Variants in SPAG16 observed in about 807,000 individuals in gnomAD.
The protein encoded by SPAG16 is sperm-associated antigen 16 protein.
SPAG16 carries 86 observed loss-of-function variants against 80.4 expected under a neutral mutation model. That is an observed-to-expected ratio of 1.07 (90% CI 0.90 to 1.28). SPAG16 has a LOEUF of 1.28. SPAG16 is among the 50% of genes most tolerant of loss of function. The pLI is 0.00. For synonymous variants in SPAG16, 294 were observed against 265.9 expected, an observed-to-expected ratio of 1.11 and a Z score of -1.03; for missense variants, 870 against 765.3, an observed-to-expected ratio of 1.14 and a Z score of -1.61.
At chr2:214,246,669 A>G (rs1576587129) in intron 15 of SPAG16, among the ~76,000 whole-genome samples, 1 of 151,932 alleles carries the variant, frequency 6.6e-6, no homozygotes, top group Non-Finnish European at 1.5e-5. Flanking sequence ...CTAATCTCTA[A>G]CTGCAGCCAC....
intron 12 of SPAG16, among the ~76,000 whole-genome samples, chr2:213,946,354 CT>C (rs2079468272): frequency 3.3e-4 from 50 of 152,170 alleles, no homozygotes; most frequent in African/African-American, 9.2e-4. Flanking sequence ...ACCTCGAGAT[CT>C]ACCTGCCTCG....
intron 10 of SPAG16, among the ~76,000 whole-genome samples, chr2:213,759,521 G>A (rs1056645422): frequency 1.3e-4 from 20 of 151,772 alleles, no homozygotes; most frequent in Non-Finnish European, 4.4e-5. Context: ...TGAAGGAGCC[G>A]AGTTTTTATA....
chr2:213,813,169 C>CA (rs2072287953), intron 10 of SPAG16, among the ~76,000 whole-genome samples: 1 of 151,616 alleles, frequency 6.6e-6, no homozygotes, highest in African/African-American at 2.4e-5. Flanking sequence ...ACTGAAGTCA[C>CA]AAAAAAATAG....
intron 10 of SPAG16, among the ~76,000 whole-genome samples, chr2:213,758,884 G>A (rs905234680): frequency 1.1e-4 from 16 of 152,062 alleles, no homozygotes; most frequent in African/African-American, 3.4e-4. Context: ...TTTAAAAGGT[G>A]GAGACAAAGA....
intron 5 of SPAG16, 193 bp downstream of exon 5, chr2:213,317,549 C>G (rs989132619): frequency 1.6e-6 from 2 of 1,253,294 alleles, no homozygotes; most frequent in Admixed American, 7.3e-5. Flanking sequence ...TTATAACTTA[C>G]CAACAAGAAG....
intron 10 of SPAG16, among the ~76,000 whole-genome samples, chr2:213,667,663 A>G (rs1444213618): frequency 6.6e-6 from 1 of 152,188 alleles, no homozygotes; most frequent in Non-Finnish European, 1.5e-5. Flanking sequence ...ATATCATCTG[A>G]TTATAATTAA....
intron 10 of SPAG16, among the ~76,000 whole-genome samples, chr2:213,803,379 A>G (rs1195115139): frequency 6.6e-6 from 1 of 152,120 alleles, no homozygotes; most frequent in African/African-American, 2.4e-5. Context: ...CAAAGATTTG[A>G]TGTTCTTTAT....
chr2:214,014,995 G>T (rs1015439906), intron 13 of SPAG16, among the ~76,000 whole-genome samples: 7 of 152,158 alleles, frequency 4.6e-5, no homozygotes, highest in Non-Finnish European at 1.0e-4. Flanking sequence ...GCTGAGTTGG[G>T]TATGTGAATA....
In SPAG16 at chr2:213,483,954, C is replaced by A. The variant is rs933235115; in HGVS notation, c.943-6009C>A. On this transcript the variant is annotated intron_variant, in intron 9 of 15. Coordinates refer to ENST00000331683, the MANE Select transcript of SPAG16 (RefSeq NM_024532.5). ...CCATTTCCTATGTTTTTAAATCAAG[C>A]AGATCTTTTATCTCTGTTCGTTAGT... Among the ~76,000 whole-genome samples the A allele has an allele frequency of 3.3e-5, 5 of 152,060 alleles. No homozygotes were observed. In the South Asian group the frequency reaches 1.0e-3, roughly 31 times the overall value.
At chr2:213,573,301 A>G (rs889033801) in intron 10 of SPAG16, among the ~76,000 whole-genome samples, 1 of 152,240 alleles carries the variant, frequency 6.6e-6, no homozygotes, top group African/African-American at 2.4e-5. Flanking sequence ...CTCAGATTTC[A>G]GTTTTTAATC....
intron 10 of SPAG16, among the ~76,000 whole-genome samples, chr2:213,702,323 T>G (rs1292059644): frequency 1.3e-5 from 2 of 152,176 alleles, no homozygotes; most frequent in Non-Finnish European, 2.9e-5. Flanking sequence ...CCCGCTTGGG[T>G]CTCTTTTCAT....
At chr2:214,029,962 G>A (rs1012842050) in intron 13 of SPAG16, among the ~76,000 whole-genome samples, 6 of 152,058 alleles carry the variant, frequency 3.9e-5, no homozygotes, top group South Asian at 2.1e-4. Flanking sequence ...AAAAGTTTCC[G>A]TGTGTGTGTA....
chr2:214,058,195 A>G (rs1053751206), intron 13 of SPAG16, among the ~76,000 whole-genome samples: 1 of 152,130 alleles, frequency 6.6e-6, no homozygotes, highest in Non-Finnish European at 1.5e-5. Flanking sequence ...GTAAGTGTAC[A>G]TGCCTTCCTC....
intron 13 of SPAG16, among the ~76,000 whole-genome samples, chr2:214,030,509 T>C (rs565082380): frequency 6.6e-6 from 1 of 152,302 alleles, no homozygotes; most frequent in South Asian, 2.1e-4. Flanking sequence ...CAATTAATAT[T>C]TTATGTATAT....
intron 15 of SPAG16, among the ~76,000 whole-genome samples, chr2:214,168,497 G>A (rs757811481): frequency 2.0e-5 from 3 of 151,704 alleles, no homozygotes; most frequent in South Asian, 2.1e-4. Flanking sequence ...TGACACGCAC[G>A]CACACACATG....
At chr2:213,471,108 T>C (rs1241956139) in intron 9 of SPAG16, among the ~76,000 whole-genome samples, 4 of 152,230 alleles carry the variant, frequency 2.6e-5, no homozygotes, top group Non-Finnish European at 5.9e-5. Context: ...AAAAAGGGGC[T>C]GTACTGCTGC....
rs867704197 is a variant in SPAG16, at chr2:213,663,684, T to C, written c.1070+173594T>C. Among the ~76,000 whole-genome samples the C allele has an allele frequency of 1.1e-4, 17 of 152,082 alleles. 1 individual carries two copies. Among genetic ancestry groups the C allele is most frequent in the Non-Finnish European group, 2.2e-4 (15 of 67,938 alleles). The stretch of plus-strand genomic sequence containing the variant: ...TAAGGATTTATTGAGAAAAATGCAT[T>C]TTGAATTATTTTTGCTTCCTATATA... On this transcript the variant is annotated intron_variant, in intron 10 of 15. Coordinates refer to ENST00000331683, the MANE Select transcript of SPAG16 (RefSeq NM_024532.5).
intron 10 of SPAG16, among the ~76,000 whole-genome samples, chr2:213,840,061 A>T (rs960061441): frequency 6.6e-6 from 1 of 152,214 alleles, no homozygotes; most frequent in African/African-American, 2.4e-5. Context: ...GGGCTTCTAA[A>T]GCAGGCCATT....
At chr2:213,475,730 G>A (rs1204731927) in intron 9 of SPAG16, among the ~76,000 whole-genome samples, 1 of 151,952 alleles carries the variant, frequency 6.6e-6, no homozygotes, top group African/African-American at 2.4e-5. Context: ...TTCTTTTTAG[G>A]GCTCCAAACT....
Sources: gnomAD v4.1 joint callset for allele counts (sites outside exome capture counted in the v4.1 genomes callset) on GRCh38, gnomAD v4.1.1 for gene constraint, MANE v1.5 for transcripts, NCBI Gene and HGNC (gene_info 2026-07-23, HGNC 2026-07-21) for gene names.